The following KCNK12 variants were observed in gnomAD, a reference collection of about 807,000 sequenced individuals.
KCNK12 encodes the protein potassium two pore domain channel subfamily K member 12.
In KCNK12, 6 loss-of-function variants were observed where a neutral mutation model predicts 25.3. The observed-to-expected ratio is 0.24, with a 90% CI of 0.13 to 0.47. The LOEUF (loss-of-function observed/expected upper bound fraction) is 0.47. Among genes scored for constraint, KCNK12 ranks in the 20% least tolerant of loss-of-function variants. The probability of loss-of-function intolerance (pLI) is 0.99; values close to 1 mark genes in which losing one functional copy is unlikely to be tolerated. For synonymous variants in KCNK12, 331 were observed against 311.1 expected (o/e 1.06, Z -0.67); for missense variants, 444 against 661.7 (o/e 0.67, Z 3.61).
intron 1 of KCNK12, among the ~76,000 whole-genome samples, chr2:47,535,840 C>G (rs1397884684): frequency 6.6e-6 from 1 of 152,106 alleles, no homozygotes; most frequent in East Asian, 1.9e-4. Context: ...AAACGCCTGC[C>G]CTGGATCTGT....
rs139168736 is a variant in KCNK12 at position 47,516,448 on chromosome 2, A to C, written c.*4459T>G. ...TGTTTCACTGTTGTTTTGTAGAGCA[A>C]CTTCCCAGTGATGCTGCCACTGGGC... On this transcript the variant is annotated 3_prime_UTR_variant, in exon 2 of 2. Transcript: ENST00000327876. 6.6e-6 allele frequency: 1 copy of C among 152,142 alleles called. No individual in the cohort carries two copies. The highest frequency in any genetic ancestry group is 2.4e-5 in the African/African-American group (1 of 41,400). 9.4% of individuals were successfully genotyped at this position (152,142 alleles called of 1,614,324 possible).
chr2:47,547,438 ATCTTT>A lies in KCNK12; in HGVS notation c.391+22498_391+22502del, dbSNP rs1460958240. 6.6e-6 allele frequency among the ~76,000 whole-genome samples: 1 copy of A among 152,004 alleles called. No homozygotes were observed. The highest frequency in any genetic ancestry group is 1.5e-5 in the Non-Finnish European group (1 of 67,996). On this transcript the variant is annotated intron_variant, in intron 1 of 1. Transcript: ENST00000327876. The surrounding 1 kb of genome is among the most constrained non-coding windows in gnomAD (Gnocchi z 5.0). ...GGGTTGAGAACCACTCTCCTAGGTG[ATCTTT>A]TCTTTTTCTTTTTGCGTCTGGGTCT...
rs933155048 is a variant in KCNK12 at position 47,570,889 on chromosome 2, G to C, written c.-558C>G. On this transcript the variant is annotated 5_prime_UTR_variant, in exon 1 of 2. Transcript: ENST00000327876. ...CCGCCCCCGGGGCTGAGCTGGCGGC[G>C]TCGGCTTCAGAGCCTCGGAGCCGAG... The C allele has an allele frequency of 6.6e-6, 1 of 152,208 alleles. No homozygotes were observed. The highest frequency in any genetic ancestry group is 1.5e-5 in the Non-Finnish European group (1 of 68,076). The allele number at this position is 152,208 out of a possible 1,614,324, so 9.4% of individuals were successfully genotyped here.
In KCNK12 at chr2:47,538,511, C is replaced by A. The variant is rs188464049; in HGVS notation, c.392-16703G>T. 9.8e-5 allele frequency among the ~76,000 whole-genome samples: 15 copies of A among 152,310 alleles called. No individual in the cohort carries two copies. In the East Asian group the frequency reaches 2.7e-3, roughly 27 times the overall value. ...AAGGACTGGGCATGGTGGCTCATGT[C>A]TGTAATCCCAGCACTTTGGGAGGCT... On this transcript the variant is annotated intron_variant, in intron 1 of 1. Transcript: ENST00000327876. The surrounding 1 kb of genome is among the most constrained non-coding windows in gnomAD (Gnocchi z 4.5).
chr2:47,552,946 G>C (rs1489131897), intron 1 of KCNK12, among the ~76,000 whole-genome samples: 2 of 152,072 alleles, frequency 1.3e-5, no homozygotes, highest in African/African-American at 4.8e-5. Flanking sequence ...TCTGTCTTTG[G>C]CTCCTGAAAA....
At position 47,529,601 on chromosome 2, in the gene KCNK12, T is replaced by C. The variant is rs991255614; in HGVS notation, c.392-7793A>G. On this transcript the variant is annotated intron_variant, in intron 1 of 1. Transcript: ENST00000327876. The surrounding 1 kb of genome is among the most constrained non-coding windows in gnomAD (Gnocchi z 4.3). Reference sequence around the variant, plus strand: ...TGGAGAACAGACTGAACTCCAGGAATGGGCTCTATTAGTCTAGGCCAATCA... The same window carrying C: ...TGGAGAACAGACTGAACTCCAGGAACGGGCTCTATTAGTCTAGGCCAATCA... Among the ~76,000 whole-genome samples the C allele has an allele frequency of 2.6e-5, 4 of 152,330 alleles. No individual in the cohort carries two copies. Among genetic ancestry groups the C allele is most frequent in the African/African-American group, 9.6e-5 (4 of 41,576 alleles).
chr2:47,558,242 A>G (rs566313925), intron 1 of KCNK12, among the ~76,000 whole-genome samples: 1 of 152,380 alleles, frequency 6.6e-6, no homozygotes, highest in Admixed American at 6.5e-5. Flanking sequence ...CAAGAGAAGC[A>G]GATGCTAAGC....
rs542672597 is a variant in KCNK12 at position 47,513,675 on chromosome 2, C to T, written c.*7232G>A. ...CATGGGTCCCTGAAGTCCAACTTCT[C>T]CTTCATTGAACTCATCACCTCTTCT... On this transcript the variant is annotated 3_prime_UTR_variant, in exon 2 of 2. Transcript: ENST00000327876. 2.0e-5 allele frequency among the ~76,000 whole-genome samples: 3 copies of T among 152,098 alleles called. No homozygotes were observed. Among genetic ancestry groups the T allele is most frequent in the Admixed American group, 1.3e-4 (2 of 15,280 alleles).
At position 47,520,612 on chromosome 2, in the gene KCNK12, C is replaced by G. The variant is rs891587402; in HGVS notation, c.*295G>C. On this transcript the variant is annotated 3_prime_UTR_variant, in exon 2 of 2. Transcript: ENST00000327876. The surrounding 1 kb of genome is among the most constrained non-coding windows in gnomAD (Gnocchi z 5.0). ...GTTTAGTGCCAGTCTGCAAAACCCT[C>G]CTCGCTGCGGTATGCCCTGGGTGTG... 1 of 307,406 alleles carries G rather than the reference C, an allele frequency of 3.3e-6. No homozygotes were observed. Among genetic ancestry groups the G allele is most frequent in the African/African-American group, 2.1e-5 (1 of 46,546 alleles). The allele number at this position is 307,406 out of a possible 1,614,324, so 19.0% of individuals were successfully genotyped here.
At chr2:47,568,987 T>G (rs1669835981) in intron 1 of KCNK12, among the ~76,000 whole-genome samples, 1 of 146,400 alleles carries the variant, frequency 6.8e-6, no homozygotes, top group Non-Finnish European at 1.5e-5. Context: ...GAAAAGTGAG[T>G]GAGAGGAGAG....
At chr2:47,537,926 G>C (rs1444957800) in intron 1 of KCNK12, among the ~76,000 whole-genome samples, 1 of 152,202 alleles carries the variant, frequency 6.6e-6, no homozygotes, top group Non-Finnish European at 1.5e-5. Flanking sequence ...CCTTAGCCAG[G>C]AGATGGAGGC....
intron 1 of KCNK12, among the ~76,000 whole-genome samples, chr2:47,554,281 C>A (rs114596130): frequency 5.5e-4 from 83 of 152,256 alleles, no homozygotes; most frequent in Middle Eastern, 6.8e-3. Flanking sequence ...GTTATTTGCT[C>A]ATGAACAGGA....
At position 47,517,476 on chromosome 2, in the gene KCNK12, C is replaced by T. The variant is rs1668553316; in HGVS notation, c.*3431G>A. On this transcript the variant is annotated 3_prime_UTR_variant, in exon 2 of 2. Transcript: ENST00000327876. This position sits in a 1 kb window ranked among gnomAD's most constrained non-coding sequence, Gnocchi z 4.1. ...AGGGATTTTCCAGGCCCTGGTACAT[C>T]TCTAGAGAGTTAAAAATGGGAAATC... 6.6e-6 allele frequency: 1 copy of T among 152,184 alleles called. No individual in the cohort carries two copies. The highest frequency in any genetic ancestry group is 1.5e-5 in the Non-Finnish European group (1 of 68,048). 9.4% of individuals were successfully genotyped at this position (152,184 alleles called of 1,614,324 possible). A position where few individuals can be genotyped will look rare whatever the true frequency, so the allele number is the denominator to read the frequency against.
rs1026631127 is a variant in KCNK12, at chr2:47,528,610, C to A, written c.392-6802G>T. ...ATCTCCTCCTCCCCCTCAATCACACCCTGCAGAGGCGTGATCTGTCCCTGG... is the reference window on the plus strand; with the variant it reads ...ATCTCCTCCTCCCCCTCAATCACACACTGCAGAGGCGTGATCTGTCCCTGG... On this transcript the variant is annotated intron_variant, in intron 1 of 1. Transcript: ENST00000327876. The surrounding 1 kb of genome is among the most constrained non-coding windows in gnomAD (Gnocchi z 4.5). Among the ~76,000 whole-genome samples, 2 of 152,026 alleles carry A rather than the reference C, an allele frequency of 1.3e-5. No homozygotes were observed. Among genetic ancestry groups the A allele is most frequent in the Non-Finnish European group, 2.9e-5 (2 of 67,986 alleles).
intron 1 of KCNK12, chr2:47,563,776 C>A (rs1168477072): frequency 4.3e-6 from 1 of 232,842 alleles, no homozygotes; most frequent in Non-Finnish European, 8.5e-6. Context: ...TATGAAGGAT[C>A]TTTGTGGTGC....
chr2:47,518,779 C>T lies in KCNK12; in HGVS notation c.*2128G>A, dbSNP rs1228911362. 1 of 152,268 alleles carries T rather than the reference C, an allele frequency of 6.6e-6. No homozygotes were observed. The highest frequency in any genetic ancestry group is 1.5e-5 in the Non-Finnish European group (1 of 68,066). 9.4% of individuals were successfully genotyped at this position (152,268 alleles called of 1,614,324 possible). On this transcript the variant is annotated 3_prime_UTR_variant, in exon 2 of 2. Transcript: ENST00000327876. The surrounding 1 kb of genome is among the most constrained non-coding windows in gnomAD (Gnocchi z 4.1). ...GTCCTCACTGTCTAGATGCCTCTATCATGGGGATCTCTTCTTCCCTCTCTG... is the reference window on the plus strand; with the variant it reads ...GTCCTCACTGTCTAGATGCCTCTATTATGGGGATCTCTTCTTCCCTCTCTG...
Position 47,548,826 on chromosome 2 carries a change from G to A in KCNK12, c.391+21115C>T, listed in dbSNP as rs1296467685. ...CAGCTTTCAGACAGCCATGGGAGTG[G>A]AGAGATCCAGACAGAGCCCAGAACT... is the stretch of plus-strand genomic sequence containing the variant. On this transcript the variant is annotated intron_variant, in intron 1 of 1. Transcript: ENST00000327876. This position sits in a 1 kb window ranked among gnomAD's most constrained non-coding sequence, Gnocchi z 4.4. 6.6e-6 allele frequency among the ~76,000 whole-genome samples: 1 copy of A among 152,184 alleles called. No homozygotes were observed. The highest frequency in any genetic ancestry group is 1.5e-5 in the Non-Finnish European group (1 of 68,024).
chr2:47,556,188 G>T lies in KCNK12; in HGVS notation c.391+13753C>A, dbSNP rs373684508. On this transcript the variant is annotated intron_variant, in intron 1 of 1. Coordinates refer to ENST00000327876, the MANE Select transcript of KCNK12 (RefSeq NM_022055.2). This position sits in a 1 kb window ranked among gnomAD's most constrained non-coding sequence, Gnocchi z 4.8. The stretch of plus-strand genomic sequence containing the variant: ...GGAAGAATATACATGTTTGCATACC[G>T]ATGGAGTATAAATTAACAATGCATG... Among the ~76,000 whole-genome samples, 1 of 152,154 alleles carries T rather than the reference G, an allele frequency of 6.6e-6. No individual in the cohort carries two copies. The highest frequency in any genetic ancestry group is 1.9e-4 in the East Asian group (1 of 5,202).
chr2:47,533,857 C>T lies in KCNK12; in HGVS notation c.392-12049G>A, dbSNP rs376302112. The stretch of plus-strand genomic sequence containing the variant: ...CAGAAGCTCTTGGTTTTCTTCCCTC[C>T]GAAGCCAGGCGTGGGGTGGGAGCAT... On this transcript the variant is annotated intron_variant, in intron 1 of 1. Transcript: ENST00000327876. The surrounding 1 kb of genome is among the most constrained non-coding windows in gnomAD (Gnocchi z 4.7). Among the ~76,000 whole-genome samples the T allele has an allele frequency of 3.9e-5, 6 of 152,274 alleles. No individual in the cohort carries two copies. Among genetic ancestry groups the T allele is most frequent in the South Asian group, 4.1e-4 (2 of 4,828 alleles).
Sources: gnomAD v4.1 joint callset for allele counts (sites outside exome capture counted in the v4.1 genomes callset) on GRCh38, gnomAD v4.1.1 for gene constraint, Gnocchi (gnomAD v3.1) non-coding constraint, MANE v1.5 for transcripts, NCBI Gene and HGNC (gene_info 2026-07-23, HGNC 2026-07-21) for gene names.